CSMD1: variants seen among roughly 807,000 people sequenced by gnomAD.
CSMD1 encodes CUB and sushi domain-containing protein 1.
In CSMD1, 213 loss-of-function variants were observed where a neutral mutation model predicts 417.5. The observed-to-expected ratio is 0.51, with a 90% CI of 0.46 to 0.57. The LOEUF is 0.57. CSMD1 is among the 20% of genes least tolerant of loss of function. The pLI, the probability that CSMD1 is intolerant of heterozygous loss-of-function variation, is 0.00. For missense variants in CSMD1, 6,923 were observed against 4,529.7 expected (o/e 1.53, Z -15.17); for synonymous variants, 2,862 against 1,736.8 (o/e 1.65, Z -16.11).
intron 10 of CSMD1, among the ~76,000 whole-genome samples, chr8:3,510,408 C>T (rs1254077141): frequency 6.6e-6 from 1 of 151,836 alleles, no homozygotes; most frequent in African/African-American, 2.4e-5. Context: ...TGAGCGCAGG[C>T]TCTGTTGCTG....
At chr8:4,273,907 A>G (rs1314967878) in intron 3 of CSMD1, among the ~76,000 whole-genome samples, 1 of 152,172 alleles carries the variant, frequency 6.6e-6, no homozygotes, top group African/African-American at 2.4e-5. Context: ...GTTGACTCTC[A>G]CCATTATCAC....
chr8:4,161,745 C>G (rs1321015034), intron 3 of CSMD1, among the ~76,000 whole-genome samples: 1 of 152,142 alleles, frequency 6.6e-6, no homozygotes, highest in Admixed American at 6.5e-5. Flanking sequence ...TTTACTGATT[C>G]TGGAACCAGT....
At chr8:4,349,631 C>T (rs1800971391) in intron 3 of CSMD1, among the ~76,000 whole-genome samples, 1 of 152,122 alleles carries the variant, frequency 6.6e-6, no homozygotes, top group African/African-American at 2.4e-5. Context: ...TGAAATTTCA[C>T]AATTGCATAC....
At chr8:4,465,306 C>G (rs923774280) in intron 2 of CSMD1, among the ~76,000 whole-genome samples, 1 of 152,120 alleles carries the variant, frequency 6.6e-6, no homozygotes, top group African/African-American at 2.4e-5. Context: ...ACTAGGATGT[C>G]TTGGTGAAGA....
In CSMD1 at chr8:3,018,500, C is replaced by T; in HGVS notation, c.8006G>A (p.Ser2669Asn). 6.2e-7 allele frequency: 1 copy of T among 1,613,580 alleles called. No homozygotes were observed. The highest frequency in any genetic ancestry group is 8.5e-7 in the Non-Finnish European group (1 of 1,179,714). ...VRECLANGLW[S>N]GSETRCLAGH... is the part of the protein sequence containing the mutation. ...ACCCAGACATCGAGTTTCGCTGCCG[C>T]TCCAGAGCCCATTTGCCAAGCACTC... is the stretch of plus-strand genomic sequence containing the variant. The change falls in exon 52 of 70, where the codon AGC becomes AAC. Residue 2669 changes from serine to asparagine, a missense_variant. Coordinates refer to ENST00000635120, the MANE Select transcript of CSMD1 (RefSeq NM_033225.6).
chr8:3,787,464 AAAAC>A (rs1799509135), intron 5 of CSMD1, among the ~76,000 whole-genome samples: 1 of 152,164 alleles, frequency 6.6e-6, no homozygotes, highest in Non-Finnish European at 1.5e-5. Context: ...ATTCATGTGA[AAAAC>A]AAAGTAGTGA....
intron 3 of CSMD1, among the ~76,000 whole-genome samples, chr8:4,384,007 C>T (rs1803277565): frequency 6.6e-6 from 1 of 151,930 alleles, no homozygotes. Context: ...AAGAAGGATC[C>T]AGGGACCACC....
chr8:3,225,788 T>A (rs1798468486), intron 27 of CSMD1, among the ~76,000 whole-genome samples: 1 of 152,252 alleles, frequency 6.6e-6, no homozygotes. Flanking sequence ...CCTGGCCCTG[T>A]TTGTTCTCTC....
At chr8:3,485,358 G>T (rs1408327260) in intron 11 of CSMD1, among the ~76,000 whole-genome samples, 1 of 152,130 alleles carries the variant, frequency 6.6e-6, no homozygotes, top group Non-Finnish European at 1.5e-5. Context: ...GAGCTGGAGT[G>T]CAGATAATGT....
chr8:3,073,688 C>G (rs924690343), intron 49 of CSMD1, among the ~76,000 whole-genome samples: 1 of 151,306 alleles, frequency 6.6e-6, no homozygotes, highest in African/African-American at 2.4e-5. Flanking sequence ...TGACAAGTGG[C>G]TAATAAATTA....
intron 3 of CSMD1, among the ~76,000 whole-genome samples, chr8:4,184,361 G>A (rs963294320): frequency 1.3e-5 from 2 of 152,258 alleles, no homozygotes; most frequent in East Asian, 1.9e-4. Context: ...CACTGGAACT[G>A]TGCTCCCTGA....
Position 3,665,591 on chromosome 8 carries a change from A to G in CSMD1, c.1009+42823T>C, listed in dbSNP as rs1233156641. On this transcript the variant is annotated intron_variant, in intron 7 of 69. Coordinates refer to ENST00000635120, the MANE Select transcript of CSMD1 (RefSeq NM_033225.6). ...TTGATTCCTTACTATCCCACTTAAT[A>G]TTAACCAAGTAATTGACTCAGTAGG... 3.3e-5 allele frequency among the ~76,000 whole-genome samples: 5 copies of G among 152,188 alleles called. No individual in the cohort carries two copies. In the East Asian group the frequency reaches 9.7e-4, roughly 29 times the overall value.
intron 7 of CSMD1, among the ~76,000 whole-genome samples, chr8:3,663,459 T>TA (rs1798523191): frequency 6.6e-6 from 1 of 152,048 alleles, no homozygotes; most frequent in African/African-American, 2.4e-5. Flanking sequence ...ATCGATTTGA[T>TA]AGCCATAGGG....
At chr8:4,960,793 ATC>A in intron 1 of CSMD1, among the ~76,000 whole-genome samples, 1 of 152,328 alleles carries the variant, frequency 6.6e-6, no homozygotes, top group East Asian at 1.9e-4. Flanking sequence ...ACAGATGATC[ATC>A]TGTTATAAAA....
chr8:3,855,153 C>G (rs1804205923), intron 5 of CSMD1, among the ~76,000 whole-genome samples: 1 of 152,074 alleles, frequency 6.6e-6, no homozygotes. Context: ...CATAATGTTT[C>G]TAATTAAGAC....
intron 3 of CSMD1, among the ~76,000 whole-genome samples, chr8:4,101,576 G>C (rs927571000): frequency 1.3e-5 from 2 of 152,308 alleles, no homozygotes; most frequent in Non-Finnish European, 1.5e-5. Context: ...TAATTTTACA[G>C]AAGTACATTT....
At chr8:4,170,050 A>G (rs1797683369) in intron 3 of CSMD1, among the ~76,000 whole-genome samples, 1 of 151,900 alleles carries the variant, frequency 6.6e-6, no homozygotes, top group Admixed American at 6.5e-5. Context: ...TTGAATACTC[A>G]AAACCTCTAG....
chr8:4,233,124 C>T (rs985410460), intron 3 of CSMD1, among the ~76,000 whole-genome samples: 11 of 152,184 alleles, frequency 7.2e-5, no homozygotes, highest in Non-Finnish European at 7.3e-5. Context: ...TATCACTTAT[C>T]CACAACGTTC....
chr8:4,325,646 T>C (rs1487253041), intron 3 of CSMD1, among the ~76,000 whole-genome samples: 1 of 152,050 alleles, frequency 6.6e-6, no homozygotes, highest in African/African-American at 2.4e-5. Context: ...ACTACCCAAA[T>C]TACACAACAA....
Sources: allele counts gnomAD v4.1 joint callset (sites outside exome capture counted in the v4.1 genomes callset), GRCh38; gene constraint gnomAD v4.1.1; transcripts MANE v1.5; gene names NCBI Gene and HGNC (gene_info 2026-07-23, HGNC 2026-07-21).